Variants in LRRC63 observed in about 807,000 individuals in gnomAD.
The protein encoded by LRRC63 is leucine rich repeat containing 63, also known as leucine-rich repeat-containing protein 63.
In LRRC63, 40 loss-of-function variants were observed where a neutral mutation model predicts 49.5. The ratio of observed to expected loss-of-function variants is 0.81; its 90% CI spans 0.63 to 1.05. LRRC63 has a LOEUF of 1.05. LRRC63 is among the 50% of genes least tolerant of loss of function. The probability of loss-of-function intolerance (pLI) is 0.00; values close to 1 mark genes in which losing one functional copy is unlikely to be tolerated. For synonymous variants in LRRC63, 191 were observed against 221.1 expected, an observed-to-expected ratio of 0.86 and a Z score of 1.21; for missense variants, 636 against 663.1, an observed-to-expected ratio of 0.96 and a Z score of 0.45.
In LRRC63 at chr13:46,255,061, A is replaced by G. The variant is rs1367161043; in HGVS notation, c.1226+4570A>G. Among the ~76,000 whole-genome samples the G allele has an allele frequency of 3.8e-4, 58 of 152,230 alleles. 1 individual carries two copies. Among genetic ancestry groups the G allele is most frequent in the Admixed American group, 3.8e-3 (58 of 15,276 alleles). On this transcript the variant is annotated intron_variant, in intron 7 of 9. Transcript: ENST00000595396. ...TGAATAAACAAAATGTGATATATAC[A>G]TACATAGAACATTATTCATCTTGAA...
rs369817693 is a variant in LRRC63, at chr13:46,248,839, AC to A, written c.1090-1515del. The stretch of plus-strand genomic sequence containing the variant: ...ACTCAAACCAATAGCAGCAGAATAC[AC>A]AATTCTTGAGTTCATGTAGAACATT... On this transcript the variant is annotated intron_variant, in intron 6 of 9. Transcript: ENST00000595396. Among the ~76,000 whole-genome samples the A allele has an allele frequency of 5.7e-4, 87 of 152,034 alleles. No individual in the cohort carries two copies. In the East Asian group the frequency reaches 0.014, roughly 25 times the overall value.
intron 5 of LRRC63, among the ~76,000 whole-genome samples, chr13:46,242,384 T>C (rs1402114167): frequency 6.6e-6 from 1 of 152,068 alleles, no homozygotes; most frequent in African/African-American, 2.4e-5. Context: ...AATACTTGGG[T>C]GATGAAATAA....
At chr13:46,257,986 C>T (rs532750975) in intron 7 of LRRC63, among the ~76,000 whole-genome samples, 1 of 152,058 alleles carries the variant, frequency 6.6e-6, no homozygotes, top group South Asian at 2.1e-4. Flanking sequence ...GGAGTACTTT[C>T]ACTGTTATCT....
intron 9 of LRRC63, among the ~76,000 whole-genome samples, chr13:46,270,926 G>A (rs1471367127): frequency 6.6e-6 from 1 of 152,148 alleles, no homozygotes; most frequent in Non-Finnish European, 1.5e-5. Context: ...GCTCTTCAAA[G>A]AAAATTTAGA....
intron 5 of LRRC63, among the ~76,000 whole-genome samples, chr13:46,238,480 G>A (rs1342419218): frequency 1.3e-5 from 2 of 149,138 alleles, no homozygotes; most frequent in Admixed American, 6.7e-5. Flanking sequence ...TAAAAAAAAA[G>A]AGGTTTAATG....
At position 46,276,495 on chromosome 13, in the gene LRRC63, T is replaced by A. The variant is rs2047839295; in HGVS notation, c.1551-95T>A. On this transcript the variant is annotated intron_variant, in intron 9 of 9. Transcript: ENST00000595396. ...ACCTAGCTGGTAAGCTCAATGAAGG[T>A]AAGGGCAGTATTTTATACTATTTGG... 1.3e-5 allele frequency: 7 copies of A among 534,590 alleles called. No individual in the cohort carries two copies. The East Asian group carries it at 2.5e-4, about 19-fold the overall frequency. 33.1% of individuals were successfully genotyped at this position (534,590 alleles called of 1,614,324 possible). A position where few individuals can be genotyped will look rare whatever the true frequency, so the allele number is the denominator to read the frequency against.
intron 2 of LRRC63, among the ~76,000 whole-genome samples, chr13:46,220,735 G>A (rs2046383739): frequency 6.6e-6 from 1 of 152,114 alleles, no homozygotes; most frequent in Admixed American, 6.6e-5. Context: ...GGGCCCTGGT[G>A]GTGTAGGCAC....
chr13:46,236,085 C>T (rs1404219359), intron 5 of LRRC63, among the ~76,000 whole-genome samples: 1 of 151,282 alleles, frequency 6.6e-6, no homozygotes, highest in Non-Finnish European at 1.5e-5. Flanking sequence ...AATTATAGAA[C>T]TAGAAAATCG....
At chr13:46,276,525 T>C in intron 9 of LRRC63, 65 bp from the exon 10 acceptor site, 2 of 774,960 alleles carry the variant, frequency 2.6e-6, no homozygotes. Flanking sequence ...ATTTGGAGTC[T>C]TGCATAGCAC....
chr13:46,220,842 G>A (rs1205744143), intron 2 of LRRC63, among the ~76,000 whole-genome samples: 1 of 152,070 alleles, frequency 6.6e-6, no homozygotes, highest in Non-Finnish European at 1.5e-5. Context: ...GTCCCTCAAG[G>A]CTTCTCCTGG....
intron 5 of LRRC63, among the ~76,000 whole-genome samples, chr13:46,236,415 C>T (rs2046906683): frequency 6.6e-6 from 1 of 152,064 alleles, no homozygotes; most frequent in African/African-American, 2.4e-5. Flanking sequence ...AGAATCTTGA[C>T]AGCAGCAATC....
At chr13:46,234,462 A>G in intron 5 of LRRC63, 113 bp downstream of exon 5, 2 of 1,003,830 alleles carry the variant, frequency 2.0e-6, no homozygotes, top group Admixed American at 6.3e-5. Context: ...TCCTATTACA[A>G]TAGAGATTTC....
rs66994107 is a variant in LRRC63 at position 46,273,601 on chromosome 13, T to TAA, written c.1551-2971_1551-2970dup. Among the ~76,000 whole-genome samples the TAA allele has an allele frequency of 8.1e-3, 890 of 109,434 alleles. 10 individuals carry two copies. The highest frequency in any genetic ancestry group is 0.014 in the African/African-American group (409 of 28,870). 71.8% of individuals were successfully genotyped at this position (109,434 alleles called of 152,430 possible). A position where few individuals can be genotyped will look rare whatever the true frequency, so the allele number is the denominator to read the frequency against. On this transcript the variant is annotated intron_variant, in intron 9 of 9. Coordinates refer to ENST00000595396, the Ensembl canonical transcript of LRRC63. ...TGGGCAACAGAGTGAGAATCTGCCT[T>TAA]AAAAAAAAAAAAAAAAAAAGAGTAG...
intron 7 of LRRC63, among the ~76,000 whole-genome samples, chr13:46,255,291 G>A (rs2047481541): frequency 6.6e-6 from 1 of 152,196 alleles, no homozygotes; most frequent in Admixed American, 6.6e-5. Context: ...ATTGGGAGTA[G>A]CTGTTCAATG....
intron 2 of LRRC63, among the ~76,000 whole-genome samples, chr13:46,217,251 G>C (rs935981545): frequency 2.6e-5 from 4 of 152,132 alleles, no homozygotes; most frequent in African/African-American, 9.7e-5. Flanking sequence ...GGCTTTCTTT[G>C]GTTGGTAGGC....
intron 2 of LRRC63, among the ~76,000 whole-genome samples, chr13:46,224,471 T>C (rs997336483): frequency 6.6e-6 from 1 of 152,320 alleles, no homozygotes; most frequent in East Asian, 1.9e-4. Flanking sequence ...TCCTGAATTC[T>C]TCTTCTGAAT....
chr13:46,252,428 C>T (rs141313974), intron 7 of LRRC63, among the ~76,000 whole-genome samples: 2,316 of 152,134 alleles, frequency 0.015, 76 homozygotes, highest in African/African-American at 0.052. Context: ...CAAGCAATTG[C>T]ACTGATACAC....
rs550653695 is a variant in LRRC63 at position 46,246,635 on chromosome 13, C to A, written c.1089+10C>A. On this transcript the variant is annotated intron_variant, in intron 6 of 9. Coordinates refer to ENST00000595396, the Ensembl canonical transcript of LRRC63. Reference sequence around the variant, plus strand: ...TTACTTTCCCACAGAAGTGAGTCAACTTTTATTGTTATGTACTGATATAAC... The same window carrying A: ...TTACTTTCCCACAGAAGTGAGTCAAATTTTATTGTTATGTACTGATATAAC... 186 of 1,299,212 alleles carry A rather than the reference C, an allele frequency of 1.4e-4. 2 individuals are homozygous for A. The African/African-American group carries it at 2.4e-3, about 17-fold the overall frequency. 80.5% of individuals were successfully genotyped at this position (1,299,212 alleles called of 1,614,324 possible).
intron 9 of LRRC63, among the ~76,000 whole-genome samples, chr13:46,275,065 T>A (rs1263696565): frequency 6.6e-6 from 1 of 152,176 alleles, no homozygotes; most frequent in Non-Finnish European, 1.5e-5. Flanking sequence ...GTTTTTAGTT[T>A]CCACATGAGT....
Sources: gnomAD v4.1 joint callset for allele counts (sites outside exome capture counted in the v4.1 genomes callset) on GRCh38, gnomAD v4.1.1 for gene constraint, MANE v1.5 for transcripts, NCBI Gene and HGNC (gene_info 2026-07-23, HGNC 2026-07-21) for gene names.